The following KLF12 variants were observed in gnomAD, a reference collection of about 807,000 sequenced individuals.
KLF12 encodes KLF transcription factor 12.
In KLF12, 9 loss-of-function variants were observed where a neutral mutation model predicts 37.8. That is an observed-to-expected ratio of 0.24 (90% CI 0.14 to 0.42). KLF12 has a LOEUF of 0.42. Ranked by LOEUF, KLF12 falls within the 10% of genes least tolerant of loss-of-function variation. The pLI, the probability that KLF12 is intolerant of heterozygous loss-of-function variation, is 1.00. For missense variants in KLF12, 411 were observed against 516.0 expected (o/e 0.80, Z 1.97); for synonymous variants, 208 against 202.1 (o/e 1.03, Z -0.25).
intron 5 of KLF12, among the ~76,000 whole-genome samples, chr13:73,803,772 T>TCACA (rs4053528): frequency 0.01 from 1,478 of 142,008 alleles, 12 homozygotes; most frequent in East Asian, 0.043. Context: ...TACTGCAGAG[T>TCACA]CACACACACA....
chr13:74,231,881 T>C, the KLF12 span: 4 of 152,338 alleles, frequency 2.6e-5, no homozygotes, highest in African/African-American at 9.6e-5. Flanking sequence ...GATTTTGTTA[T>C]TGGTTTTTAT....
chr13:74,091,849 ATTG>A (rs899232882), intron 1 of KLF12, among the ~76,000 whole-genome samples: 25 of 152,152 alleles, frequency 1.6e-4, no homozygotes, highest in African/African-American at 6.0e-4. Flanking sequence ...AGATTACTTA[ATTG>A]TAACATATGT....
intron 2 of KLF12, among the ~76,000 whole-genome samples, chr13:73,991,558 G>T (rs1183157297): frequency 6.6e-6 from 1 of 152,142 alleles, no homozygotes; most frequent in East Asian, 1.9e-4. Context: ...AGCAACTCTT[G>T]AAATAGGCAG....
At chr13:74,292,628 T>A in the KLF12 span, among the ~76,000 whole-genome samples, 1 of 152,132 alleles carries the variant, frequency 6.6e-6, no homozygotes, top group Admixed American at 6.5e-5. Context: ...ATGTTTTGGC[T>A]GGAGGACTTT....
intron 1 of KLF12, among the ~76,000 whole-genome samples, chr13:74,103,583 G>A (rs1437759950): frequency 1.3e-5 from 2 of 152,026 alleles, no homozygotes; most frequent in Non-Finnish European, 2.9e-5. Context: ...CCATATCTTC[G>A]GTTGGAGCTG....
chr13:74,191,284 T>C, the KLF12 span, among the ~76,000 whole-genome samples: 1 of 152,220 alleles, frequency 6.6e-6, no homozygotes, highest in Non-Finnish European at 1.5e-5. Flanking sequence ...ATTTCCTATC[T>C]GGGTAAGCCA....
chr13:73,778,670 TAA>T (rs1247654851), intron 5 of KLF12, among the ~76,000 whole-genome samples: 1 of 152,136 alleles, frequency 6.6e-6, no homozygotes, highest in Non-Finnish European at 1.5e-5. Context: ...TGGCCTGTGC[TAA>T]GAGTTTCACT....
At chr13:74,275,353 A>C in the KLF12 span, among the ~76,000 whole-genome samples, 1 of 152,200 alleles carries the variant, frequency 6.6e-6, no homozygotes, top group Admixed American at 6.5e-5. Context: ...TAAGCAAATA[A>C]GTCATGTGAC....
At chr13:73,705,905 G>A (rs1194496798) in intron 7 of KLF12, among the ~76,000 whole-genome samples, 3 of 152,178 alleles carry the variant, frequency 2.0e-5, no homozygotes, top group African/African-American at 4.8e-5. Flanking sequence ...TGTAATCCCA[G>A]CACTTTGGGA....
chr13:74,292,347 T>A, the KLF12 span, among the ~76,000 whole-genome samples: 18 of 152,216 alleles, frequency 1.2e-4, no homozygotes, highest in Admixed American at 5.9e-4. Flanking sequence ...AGGATAATGA[T>A]GATACCCAGG....
At chr13:74,266,629 TTAGTAGCCTGAGATGCCAAA>T in the KLF12 span, among the ~76,000 whole-genome samples, 1 of 152,200 alleles carries the variant, frequency 6.6e-6, no homozygotes, top group African/African-American at 2.4e-5. Context: ...CTGTGACTAA[TTAGTAGCCTGAGATGCCAAA>T]TAAATCAATA....
At chr13:73,811,976 T>C (rs1456942729) in intron 5 of KLF12, among the ~76,000 whole-genome samples, 1 of 152,166 alleles carries the variant, frequency 6.6e-6, no homozygotes, top group East Asian at 1.9e-4. Context: ...AAAGTAGGTA[T>C]TTAATCAACA....
chr13:73,901,740 C>T (rs986714497), intron 3 of KLF12, among the ~76,000 whole-genome samples: 6 of 152,170 alleles, frequency 3.9e-5, no homozygotes, highest in African/African-American at 1.2e-4. Flanking sequence ...CCATTCTAAG[C>T]TCCGGAGGTC....
intron 1 of KLF12, among the ~76,000 whole-genome samples, chr13:74,063,956 G>A (rs1873758239): frequency 6.6e-6 from 1 of 152,020 alleles, no homozygotes; most frequent in African/African-American, 2.4e-5. Flanking sequence ...AGTGCCCTGT[G>A]GACACAAAAT....
At chr13:74,232,719 C>G in the KLF12 span, among the ~76,000 whole-genome samples, 1 of 152,138 alleles carries the variant, frequency 6.6e-6, no homozygotes, top group Non-Finnish European at 1.5e-5. Context: ...CATTGAAGTA[C>G]ATTTTGAATA....
Position 73,709,580 on chromosome 13 carries a change from T to A in KLF12, c.1027+5788A>T, listed in dbSNP as rs184478069. Reference sequence around the variant, plus strand: ...AAGTCAGGATGGGCTCATTTTGAACTAGTTACAGAAAAATCAACCAAATTT... The same window carrying A: ...AAGTCAGGATGGGCTCATTTTGAACAAGTTACAGAAAAATCAACCAAATTT... On this transcript the variant is annotated intron_variant, in intron 7 of 7. Coordinates refer to ENST00000377669, the MANE Select transcript of KLF12 (RefSeq NM_007249.5). Among the ~76,000 whole-genome samples, 31 of 152,360 alleles carry A rather than the reference T, an allele frequency of 2.0e-4. 1 individual carries two copies. The East Asian group carries it at 5.8e-3, about 28-fold the overall frequency.
the KLF12 span, among the ~76,000 whole-genome samples, chr13:74,266,332 T>G: frequency 6.6e-6 from 1 of 152,154 alleles, no homozygotes; most frequent in Admixed American, 6.5e-5. Flanking sequence ...TGGACCTTGG[T>G]AGGACTAAAT....
At chr13:73,881,167 A>T (rs1284434455) in intron 3 of KLF12, among the ~76,000 whole-genome samples, 1 of 151,974 alleles carries the variant, frequency 6.6e-6, no homozygotes, top group East Asian at 1.9e-4. Context: ...CATTTTTATA[A>T]GTCATATATA....
chr13:74,174,387 C>T, the KLF12 span, among the ~76,000 whole-genome samples: 1 of 142,286 alleles, frequency 7.0e-6, no homozygotes, highest in East Asian at 2.1e-4. Context: ...GGCTGGAGTG[C>T]AGTGGCGCGA....
Sources: gnomAD v4.1 joint callset for allele counts (sites outside exome capture counted in the v4.1 genomes callset) on GRCh38, gnomAD v4.1.1 for gene constraint, MANE v1.5 for transcripts, NCBI Gene and HGNC (gene_info 2026-07-23, HGNC 2026-07-21) for gene names.